The following ANKRD11 variants were observed in gnomAD, a reference collection of about 807,000 sequenced individuals.
The protein encoded by ANKRD11 is ankyrin repeat domain 11, also known as ankyrin repeat domain-containing protein 11.
Under a neutral mutation model 195.7 loss-of-function variants are expected in ANKRD11, and 17 were observed. That is an observed-to-expected ratio of 0.09 (90% CI 0.06 to 0.13). The LOEUF is 0.13. Among genes scored for constraint, ANKRD11 ranks in the 10% least tolerant of loss-of-function variants. ANKRD11 has a pLI of 1.00. For missense variants in ANKRD11, 3,735 were observed against 3,566.1 expected (o/e 1.05, Z -1.21); for synonymous variants, 1,953 against 1,528.1 (o/e 1.28, Z -6.49).
intron 2 of ANKRD11, among the ~76,000 whole-genome samples, chr16:89,368,810 G>A (rs952577345): frequency 9.9e-5 from 15 of 152,040 alleles, no homozygotes; most frequent in Admixed American, 3.3e-4. Flanking sequence ...AGAGGCAGGC[G>A]GGATCGCTTG....
intron 1 of ANKRD11, among the ~76,000 whole-genome samples, chr16:89,439,393 A>G (rs986976146): frequency 5.9e-5 from 9 of 152,226 alleles, no homozygotes; most frequent in African/African-American, 2.2e-4. Context: ...TTACCTCCCA[A>G]TAAACCCAGT....
chr16:89,343,507 G>A (rs1313808798), intron 2 of ANKRD11, among the ~76,000 whole-genome samples: 2 of 152,160 alleles, frequency 1.3e-5, no homozygotes, highest in Admixed American at 6.5e-5. Context: ...GTGAGTGAGC[G>A]AGCAAATGAG....
chr16:89,461,544 T>C (rs1327476568), intron 1 of ANKRD11, among the ~76,000 whole-genome samples: 1 of 152,130 alleles, frequency 6.6e-6, no homozygotes. Flanking sequence ...GTATCTTCAT[T>C]TGCCCAGGCT....
At chr16:89,489,507 C>A (rs2057738412) in intron 1 of ANKRD11, among the ~76,000 whole-genome samples, 1 of 151,082 alleles carries the variant, frequency 6.6e-6, no homozygotes, top group Admixed American at 6.6e-5. Flanking sequence ...GCCCCCAGGT[C>A]CCCAGTTCGC....
At chr16:89,376,766 G>C (rs1051068140) in intron 2 of ANKRD11, among the ~76,000 whole-genome samples, 5 of 152,152 alleles carry the variant, frequency 3.3e-5, no homozygotes, top group African/African-American at 1.2e-4. Context: ...GAATGCAGGT[G>C]AAACTCCCCT....
In ANKRD11 at chr16:89,280,770, G is replaced by A; in HGVS notation, c.5772C>T (p.Ile1924=). 1.9e-6 allele frequency: 3 copies of A among 1,612,376 alleles called. No individual in the cohort carries two copies. Among genetic ancestry groups the A allele is most frequent in the Non-Finnish European group, 2.5e-6 (3 of 1,178,938 alleles). Residue 1924 remains isoleucine, a synonymous_variant, in exon 9 of 13, where the codon ATC becomes ATT. Transcript: ENST00000301030. ...GCTCCAGGTAGCTGGGCTCCGGGGG[G>A]ATGATGGCGGCCGTCGCCTGCTGGT... ...SEDQQATAAI[I]PPEPSYLEPL...
chr16:89,286,462 A>AC (rs2034654152), intron 7 of ANKRD11: 2 of 577,966 alleles, frequency 3.5e-6, no homozygotes, highest in South Asian at 2.0e-5. Context: ...CCTCCTTTGG[A>AC]TTTTTTTCCA....
intron 4 of ANKRD11, chr16:89,301,267 T>C (rs2035838381): frequency 2.7e-6 from 1 of 375,046 alleles, no homozygotes; most frequent in African/African-American, 2.1e-5. Context: ...GCCTGGCTAC[T>C]TTTAGATTTT....
At chr16:89,384,132 A>G (rs2040787339) in intron 2 of ANKRD11, among the ~76,000 whole-genome samples, 2 of 152,258 alleles carry the variant, frequency 1.3e-5, no homozygotes, top group Middle Eastern at 3.4e-3. Context: ...AGGCAGGGAG[A>G]GTTGCTTGAA....
chr16:89,342,374 C>G (rs1471060587), intron 2 of ANKRD11, among the ~76,000 whole-genome samples: 1 of 152,188 alleles, frequency 6.6e-6, no homozygotes, highest in African/African-American at 2.4e-5. Context: ...GTTGAACTCC[C>G]CAGAGATGTT....
chr16:89,344,568 C>T (rs1009012209), intron 2 of ANKRD11, among the ~76,000 whole-genome samples: 1 of 152,212 alleles, frequency 6.6e-6, no homozygotes, highest in African/African-American at 2.4e-5. Flanking sequence ...CTGAACGCTG[C>T]CTCAGCGTCT....
At chr16:89,320,276 C>T (rs886864165) in intron 2 of ANKRD11, 5 of 152,244 alleles carry the variant, frequency 3.3e-5, no homozygotes, top group African/African-American at 7.2e-5. Flanking sequence ...GTCTCACTCC[C>T]GGGGGAGACT....
intron 2 of ANKRD11, among the ~76,000 whole-genome samples, chr16:89,335,936 C>T (rs916165252): frequency 1.3e-5 from 2 of 152,212 alleles, no homozygotes; most frequent in African/African-American, 4.8e-5. Context: ...CTGAGGCATC[C>T]GCCGCAAACA....
Position 89,286,820 on chromosome 16 carries a change from T to C in ANKRD11, c.745-634A>G, listed in dbSNP as rs1259932793. 22 of 1,287,306 alleles carry C rather than the reference T, an allele frequency of 1.7e-5. No individual in the cohort carries two copies. The East Asian group carries it at 9.4e-4, about 55-fold the overall frequency. The allele number at this position is 1,287,306 out of a possible 1,614,324, so 79.7% of individuals were successfully genotyped here. On this transcript the variant is annotated intron_variant, in intron 7 of 12. Transcript: ENST00000301030. ...CATCACCAGCAACCTGGATTTCCTATGCCCAGAACAGCAATGCACTGAACT... is the reference window on the plus strand; with the variant it reads ...CATCACCAGCAACCTGGATTTCCTACGCCCAGAACAGCAATGCACTGAACT...
chr16:89,365,661 C>T (rs2039913863), intron 2 of ANKRD11, among the ~76,000 whole-genome samples: 1 of 152,162 alleles, frequency 6.6e-6, no homozygotes, highest in Admixed American at 6.5e-5. Context: ...CCTTTTACCG[C>T]AATTCTTCCT....
At chr16:89,398,842 T>C (rs2041575164) in intron 2 of ANKRD11, among the ~76,000 whole-genome samples, 1 of 151,928 alleles carries the variant, frequency 6.6e-6, no homozygotes, top group African/African-American at 2.4e-5. Flanking sequence ...TAAGCAAAGG[T>C]GCTTTCTGGC....
Position 89,286,289 on chromosome 16 carries a change from C to T in ANKRD11, c.745-103G>A. ...CCTTCCGAGAACCCTGGGGTTCGAC[C>T]CGAGAGCAGCCCCTCACGGTCTGAG... On this transcript the variant is annotated intron_variant, in intron 7 of 12. Coordinates refer to ENST00000301030, the MANE Select transcript of ANKRD11 (RefSeq NM_013275.6). 12 of 1,499,742 alleles carry T rather than the reference C, an allele frequency of 8.0e-6. No individual in the cohort carries two copies. In the South Asian group the frequency reaches 1.4e-4, roughly 17 times the overall value. The allele number at this position is 1,499,742 out of a possible 1,614,324, so 92.9% of individuals were successfully genotyped here. A position where few individuals can be genotyped will look rare whatever the true frequency, so the allele number is the denominator to read the frequency against.
Position 89,281,024 on chromosome 16 carries a change from C to G in ANKRD11, c.5518G>C (p.Ala1840Pro). The change falls in exon 9 of 13, where the codon GCG (alanine) becomes CCG (proline). Residue 1840 changes from alanine to proline, a missense_variant. Coordinates refer to ENST00000301030, the MANE Select transcript of ANKRD11 (RefSeq NM_013275.6). The surrounding 1 kb of genome is among the most constrained non-coding windows in gnomAD (Gnocchi z 5.5). ...EDRAPLPPVPAEKFACLSPGY... is the reference protein window; with the variant it reads ...EDRAPLPPVPPEKFACLSPGY... Reference sequence around the variant, plus strand: ...GGCGACAAGCAGGCAAACTTCTCCGCGGGAACCGGGGGCAGGGGCGCCCTG... The same window carrying G: ...GGCGACAAGCAGGCAAACTTCTCCGGGGGAACCGGGGGCAGGGGCGCCCTG... 6.3e-7 allele frequency: 1 copy of G among 1,593,548 alleles called. No individual in the cohort carries two copies. The highest frequency in any genetic ancestry group is 8.6e-7 in the Non-Finnish European group (1 of 1,168,214).
At chr16:89,358,182 C>T (rs2039571473) in intron 2 of ANKRD11, among the ~76,000 whole-genome samples, 1 of 152,188 alleles carries the variant, frequency 6.6e-6, no homozygotes, top group African/African-American at 2.4e-5. Context: ...AATGCCACCA[C>T]GTGCGGGCAG....
Sources: allele counts gnomAD v4.1 joint callset (sites outside exome capture counted in the v4.1 genomes callset), GRCh38; gene constraint gnomAD v4.1.1; non-coding constraint Gnocchi (gnomAD v3.1); transcripts MANE v1.5; gene names NCBI Gene and HGNC (gene_info 2026-07-23, HGNC 2026-07-21).